Variants in NUP133 observed in about 807,000 individuals in gnomAD.
The protein encoded by NUP133 is nuclear pore complex protein Nup133.
NUP133 carries 66 observed loss-of-function variants against 146.2 expected under a neutral mutation model. The observed-to-expected ratio is 0.45, with a 90% CI of 0.37 to 0.55. NUP133 has a LOEUF of 0.55. NUP133 is among the 20% of genes least tolerant of loss of function. NUP133 has a pLI of 0.00. For synonymous variants in NUP133, 521 were observed against 498.8 expected (o/e 1.04, Z -0.59); for missense variants, 1,277 against 1,374.8 (o/e 0.93, Z 1.12).
At chr1:229,472,707 C>CATACATATATATATATATATATATATAT (rs58951309) in intron 14 of NUP133, among the ~76,000 whole-genome samples, 23 of 124,300 alleles carry the variant, frequency 1.9e-4, no homozygotes, top group African/African-American at 5.6e-4. Context: ...ACTAAATATA[C>CATACATATATATATATATATATATATAT]ATATATATAT....
At chr1:229,451,636 AT>A (rs1194346338) in intron 22 of NUP133, among the ~76,000 whole-genome samples, 1 of 151,204 alleles carries the variant, frequency 6.6e-6, no homozygotes, top group African/African-American at 2.5e-5. Flanking sequence ...CTATAATTTC[AT>A]TTTTTAAAAA....
intron 5 of NUP133, among the ~76,000 whole-genome samples, chr1:229,499,412 CTT>C (rs1424863057): frequency 2.0e-5 from 3 of 152,150 alleles, no homozygotes; most frequent in African/African-American, 4.8e-5. Flanking sequence ...TTCCTTGTCT[CTT>C]TTTGATCCCT....
chr1:229,477,741 G>C lies in NUP133; in HGVS notation c.1612C>G (p.Gln538Glu). 1.9e-6 allele frequency: 3 copies of C among 1,612,976 alleles called. No individual in the cohort carries two copies. Among genetic ancestry groups the C allele is most frequent in the Non-Finnish European group, 2.5e-6 (3 of 1,179,468 alleles). ...QYCRKDLGHA[Q>E]MVVDELFSSH... ...GAAAAGAGCTCATCAACCACCATTT[G>C]AGCATGACCTAAATCTTTTCTGAAA... The change falls in exon 13 of 26, where the codon CAA becomes GAA. Residue 538 changes from glutamine to glutamate, a missense_variant. By Grantham distance (29) the Gln-to-Glu change is conservative. This residue lies in a region of NUP133 where 952 missense variants were observed against 1,047.0 expected (regional missense o/e 0.91). Coordinates refer to ENST00000261396, the MANE Select transcript of NUP133 (RefSeq NM_018230.3).
At chr1:229,501,898 C>T in intron 3 of NUP133, 101 bp downstream of exon 3, 1 of 791,720 alleles carries the variant, frequency 1.3e-6, no homozygotes, top group Non-Finnish European at 2.1e-6. Context: ...AAGTAGTTTC[C>T]TATTGACTAT....
chr1:229,483,992 A>G (rs1014172929), intron 12 of NUP133, 62 bp downstream of exon 12: 2 of 1,160,658 alleles, frequency 1.7e-6, no homozygotes, highest in Non-Finnish European at 2.5e-6. Context: ...AATAAGTAGC[A>G]CATGTCAGTA....
At chr1:229,485,747 G>A (rs1348984792) in intron 11 of NUP133, among the ~76,000 whole-genome samples, 1 of 152,170 alleles carries the variant, frequency 6.6e-6, no homozygotes, top group African/African-American at 2.4e-5. Context: ...AGGCTTAAAT[G>A]TAGTTGCTCC....
At chr1:229,480,288 G>A (rs1661177793) in intron 12 of NUP133, among the ~76,000 whole-genome samples, 1 of 152,180 alleles carries the variant, frequency 6.6e-6, no homozygotes, top group South Asian at 2.1e-4. Flanking sequence ...TGGTCCCTTG[G>A]TAGAACAGGA....
At chr1:229,489,610 C>T (rs986230042) in intron 9 of NUP133, among the ~76,000 whole-genome samples, 3 of 152,230 alleles carry the variant, frequency 2.0e-5, no homozygotes, top group African/African-American at 7.2e-5. Context: ...GTGGCTCACA[C>T]CTGTAATCCC....
Position 229,495,702 on chromosome 1 carries a change from C to T in NUP133, c.976-137G>A, listed in dbSNP as rs927016491. 18 of 883,084 alleles carry T rather than the reference C, an allele frequency of 2.0e-5. No individual in the cohort carries two copies. In the African/African-American group the frequency reaches 2.4e-4, roughly 12 times the overall value. The allele number at this position is 883,084 out of a possible 1,614,324, so 54.7% of individuals were successfully genotyped here. ...AATGTATACATTAAAAAAAAAATCG[C>T]TAAGCAAGTAAACCAATGCATTCCA... On this transcript the variant is annotated intron_variant, in intron 7 of 25. Transcript: ENST00000261396.
intron 17 of NUP133, among the ~76,000 whole-genome samples, 166 bp from the exon 18 acceptor site, chr1:229,465,041 AAGG>A (rs1164688900): frequency 2.0e-5 from 3 of 152,322 alleles, no homozygotes; most frequent in African/African-American, 7.2e-5. Context: ...CATCTTCTCC[AAGG>A]AGATTTCCTC....
chr1:229,443,353 A>G (rs993561830), intron 25 of NUP133, among the ~76,000 whole-genome samples: 2 of 152,088 alleles, frequency 1.3e-5, no homozygotes, highest in African/African-American at 4.8e-5. Flanking sequence ...TAAGACTTTT[A>G]TAACACCATT....
chr1:229,446,236 G>A (rs1317113606), intron 24 of NUP133, among the ~76,000 whole-genome samples: 2 of 151,982 alleles, frequency 1.3e-5, no homozygotes, highest in Non-Finnish European at 2.9e-5. Context: ...GAGAAACCCG[G>A]TCTCTACTAA....
Position 229,440,453 on chromosome 1 carries a change from A to G in NUP133, c.*1451T>C, listed in dbSNP as rs1303891242. On this transcript the variant is annotated 3_prime_UTR_variant, in exon 26 of 26. Transcript: ENST00000261396. Reference sequence around the variant, plus strand: ...GATCAGTGGGTTCTGGGGCATGATCAGATGGGCTTTCCTGCGGTACTGTCC... The same window carrying G: ...GATCAGTGGGTTCTGGGGCATGATCGGATGGGCTTTCCTGCGGTACTGTCC... The G allele has an allele frequency of 6.6e-6, 1 of 152,234 alleles. No homozygotes were observed. The highest frequency in any genetic ancestry group is 1.5e-5 in the Non-Finnish European group (1 of 68,052). The allele number at this position is 152,234 out of a possible 1,614,324, so 9.4% of individuals were successfully genotyped here.
rs1434072878 is a variant in NUP133, at chr1:229,441,400, G to A, written c.*504C>T. 1.9e-6 allele frequency: 1 copy of A among 532,048 alleles called. No homozygotes were observed. The highest frequency in any genetic ancestry group is 3.9e-6 in the Non-Finnish European group (1 of 259,426). The allele number at this position is 532,048 out of a possible 1,614,324, so 33.0% of individuals were successfully genotyped here. ...ACATGAGTTAGGCCCACTCTCCTTT[G>A]GTTTTTCATCTCATAATAAGTCAGC... On this transcript the variant is annotated 3_prime_UTR_variant, in exon 26 of 26. Coordinates refer to ENST00000261396, the MANE Select transcript of NUP133 (RefSeq NM_018230.3).
intron 15 of NUP133, among the ~76,000 whole-genome samples, chr1:229,469,120 TAG>T (rs998199012): frequency 1.3e-5 from 2 of 152,196 alleles, no homozygotes; most frequent in African/African-American, 2.4e-5. Context: ...AGACACCAAA[TAG>T]AGTTTGAAGT....
Position 229,489,831 on chromosome 1 carries a change from A to G in NUP133, c.1194+124T>C, listed in dbSNP as rs1661463065. The G allele has an allele frequency of 5.1e-6, 4 of 791,290 alleles. No individual in the cohort carries two copies. The South Asian group carries it at 1.2e-4, about 23-fold the overall frequency. 49.0% of individuals were successfully genotyped at this position (791,290 alleles called of 1,614,324 possible). On this transcript the variant is annotated intron_variant, in intron 9 of 25. Coordinates refer to ENST00000261396, the MANE Select transcript of NUP133 (RefSeq NM_018230.3). ...ACAGAGGTTGCAGTGAGCTGAGATC[A>G]AGCCACTGCACTCCAGCCTGGGTGA...
chr1:229,461,887 C>CT (rs541886278), intron 19 of NUP133, among the ~76,000 whole-genome samples: 2,855 of 144,084 alleles, frequency 0.02, 93 homozygotes, highest in African/African-American at 0.065. Context: ...AACTACTGAC[C>CT]TTTTTTTTTT....
intron 13 of NUP133, among the ~76,000 whole-genome samples, chr1:229,476,970 G>GT (rs1430991394): frequency 2.0e-5 from 3 of 151,504 alleles, no homozygotes; most frequent in Non-Finnish European, 2.9e-5. Flanking sequence ...TGGGGGGCAG[G>GT]TAAGTGCCAA....
chr1:229,467,372 A>C (rs188034239), intron 15 of NUP133, among the ~76,000 whole-genome samples: 1 of 152,222 alleles, frequency 6.6e-6, no homozygotes, highest in African/African-American at 2.4e-5. Flanking sequence ...TTTGCATAGC[A>C]ATGGACACTC....
Sources: gnomAD v4.1 joint callset for allele counts (sites outside exome capture counted in the v4.1 genomes callset) on GRCh38, gnomAD v4.1.1 for gene constraint, gnomAD v4.1.1 regional missense constraint, MANE v1.5 for transcripts, NCBI Gene and HGNC (gene_info 2026-07-23, HGNC 2026-07-21) for gene names.